Variants in PTK2B observed in about 807,000 individuals in gnomAD.
PTK2B encodes the protein protein-tyrosine kinase 2-beta.
Under a neutral mutation model 142.9 loss-of-function variants are expected in PTK2B, and 71 were observed. That is an observed-to-expected ratio of 0.50 (90% confidence interval 0.41 to 0.61). The LOEUF (loss-of-function observed/expected upper bound fraction) is 0.61. PTK2B is among the 20% of genes least tolerant of loss of function. The pLI, the probability that PTK2B is intolerant of heterozygous loss-of-function variation, is 0.00. For synonymous variants in PTK2B, 519 were observed against 503.4 expected (o/e 1.03, Z -0.42); for missense variants, 1,105 against 1,320.4 (o/e 0.84, Z 2.53).
intron 8 of PTK2B, 138 bp downstream of exon 8, chr8:27,431,154 G>T: frequency 6.8e-7 from 1 of 1,480,914 alleles, no homozygotes; most frequent in Admixed American, 2.1e-5. Flanking sequence ...ACCTGCCGTC[G>T]GTGGAAGTCA....
intron 1 of PTK2B, among the ~76,000 whole-genome samples, chr8:27,376,064 C>T (rs914259062): frequency 6.6e-5 from 10 of 152,180 alleles, no homozygotes; most frequent in Non-Finnish European, 7.3e-5. Flanking sequence ...TCAGAGTGGA[C>T]GAAGCATCAG....
At chr8:27,330,689 A>G (rs1253595457) in intron 1 of PTK2B, among the ~76,000 whole-genome samples, 1 of 152,188 alleles carries the variant, frequency 6.6e-6, no homozygotes, top group African/African-American at 2.4e-5. Flanking sequence ...AGGAATAATT[A>G]TTACTCATGG....
Position 27,431,022 on chromosome 8 carries a change from G to A in PTK2B, c.810+6G>A, listed in dbSNP as rs1223995678. ...CCTACCGCTGTGAACTCATTGTAAT[G>A]GCGGGCTCTCTTGATCCTCTCCCTG... On this transcript the variant is annotated splice_donor_region_variant and intron_variant, in intron 8 of 30. Transcript: ENST00000346049. 1.9e-6 allele frequency: 3 copies of A among 1,611,172 alleles called. No individual in the cohort carries two copies. Among genetic ancestry groups the A allele is most frequent in the Non-Finnish European group, 2.5e-6 (3 of 1,178,346 alleles).
intron 1 of PTK2B, among the ~76,000 whole-genome samples, chr8:27,350,338 A>G (rs1441847556): frequency 2.0e-5 from 3 of 151,216 alleles, no homozygotes; most frequent in Non-Finnish European, 2.9e-5. Flanking sequence ...GAGTCTGGCC[A>G]TGAGCCAGAG....
At chr8:27,397,815 A>G in intron 2 of PTK2B, 27 bp downstream of exon 2, 1 of 1,609,164 alleles carries the variant, frequency 6.2e-7, no homozygotes, top group East Asian at 2.2e-5. Flanking sequence ...TGCCCTGTCC[A>G]TCTGTCTGTC....
Position 27,438,986 on chromosome 8 carries a change from G to T in PTK2B, c.1644-45G>T, listed in dbSNP as rs545107136. 29 of 1,508,476 alleles carry T rather than the reference G, an allele frequency of 1.9e-5. 1 individual carries two copies. The Admixed American group carries it at 4.8e-4, about 25-fold the overall frequency. The allele number at this position is 1,508,476 out of a possible 1,614,324, so 93.4% of individuals were successfully genotyped here. ...TCCATCTCTCTGTTCCTGCTCCCAT[G>T]GGGGTGGGCAGTGCCTCATCCTGGT... is the stretch of plus-strand genomic sequence containing the variant. On this transcript the variant is annotated intron_variant, in intron 18 of 30. Coordinates refer to ENST00000346049, the MANE Select transcript of PTK2B (RefSeq NM_173176.3).
chr8:27,433,787 G>A (rs947749153), intron 11 of PTK2B, among the ~76,000 whole-genome samples: 16 of 152,202 alleles, frequency 1.1e-4, no homozygotes, highest in Admixed American at 2.0e-4. Flanking sequence ...GAGGAGAGGC[G>A]TTTTAGCCCC....
At chr8:27,436,446 C>T (rs899980207) in intron 15 of PTK2B, 98 bp downstream of exon 15, 54 of 1,182,974 alleles carry the variant, frequency 4.6e-5, no homozygotes, top group Non-Finnish European at 7.5e-6. Context: ...CAGCCTTCAT[C>T]CACTTGGGGC....
At chr8:27,444,405 G>C (rs1328923543) in intron 23 of PTK2B, 134 bp downstream of exon 23, 22 of 949,206 alleles carry the variant, frequency 2.3e-5, no homozygotes, top group Non-Finnish European at 2.6e-5. Context: ...CTCTTCTTTG[G>C]CACCCAGAAC....
chr8:27,388,899 C>T (rs1807538298), intron 1 of PTK2B, among the ~76,000 whole-genome samples: 1 of 152,166 alleles, frequency 6.6e-6, no homozygotes, highest in South Asian at 2.1e-4. Flanking sequence ...GGATGATGTT[C>T]AAAAATTTCT....
Position 27,401,523 on chromosome 8 carries a change from G to A in PTK2B, c.204+3735G>A, listed in dbSNP as rs951373956. 8.5e-5 allele frequency among the ~76,000 whole-genome samples: 13 copies of A among 152,140 alleles called. 1 individual carries two copies. Among genetic ancestry groups the A allele is most frequent in the African/African-American group, 2.4e-4 (10 of 41,434 alleles). ...ATTTAAGAGAGGTTTTGACCAAGAA[G>A]GAAAAGAAAGAAGGGAAAGCTAAAG... On this transcript the variant is annotated intron_variant, in intron 2 of 30. Coordinates refer to ENST00000346049, the MANE Select transcript of PTK2B (RefSeq NM_173176.3).
chr8:27,447,939 G>A (rs188443926), intron 24 of PTK2B, among the ~76,000 whole-genome samples: 141 of 152,356 alleles, frequency 9.3e-4, no homozygotes, highest in Middle Eastern at 6.8e-3. Context: ...GCTGTCCTCG[G>A]TGCTGAAGGG....
chr8:27,420,548 C>A, intron 3 of PTK2B, 109 bp from the exon 4 acceptor site: 1 of 1,029,290 alleles, frequency 9.7e-7, no homozygotes, highest in Non-Finnish European at 1.5e-6. Flanking sequence ...TCATGGGCAG[C>A]CCTTCCCTTT....
At position 27,439,103 on chromosome 8, in the gene PTK2B, G is replaced by A; in HGVS notation, c.1716G>A (p.Arg572=). 1 of 1,613,930 alleles carries A rather than the reference G, an allele frequency of 6.2e-7. No homozygotes were observed. Among genetic ancestry groups the A allele is most frequent in the African/African-American group, 1.3e-5 (1 of 75,006 alleles). The change falls in exon 19 of 31, where the codon CGG becomes CGA. Residue 572 remains arginine, a synonymous_variant. Transcript: ENST00000346049. ...CVKLGDFGLS[R]YIEDEDYYKA... ...AGCTGGGGGACTTTGGTCTTTCCCG[G>A]TACATTGAGGACGAGGACTATTACA...
Position 27,363,822 on chromosome 8 carries a change from C to T in PTK2B, c.-37-33726C>T, listed in dbSNP as rs1439145725. Among the ~76,000 whole-genome samples the T allele has an allele frequency of 1.3e-5, 2 of 152,132 alleles. No homozygotes were observed. The highest frequency in any genetic ancestry group is 4.8e-5 in the African/African-American group (2 of 41,422). Reference sequence around the variant, plus strand: ...GGGACATGTTCATGTGAATTCTCACCGGTGGCTTCACCCACCCCCAGTCCT... The same window carrying T: ...GGGACATGTTCATGTGAATTCTCACTGGTGGCTTCACCCACCCCCAGTCCT... On this transcript the variant is annotated intron_variant, in intron 1 of 30. Coordinates refer to ENST00000346049, the MANE Select transcript of PTK2B (RefSeq NM_173176.3). This position sits in a 1 kb window ranked among gnomAD's most constrained non-coding sequence, Gnocchi z 4.3.
rs143857999 is a variant in PTK2B at position 27,451,255 on chromosome 8, C to T, written c.2523+177C>T. ...TGCCAATCCCTACATGGCCCTTTTCCTGAACTCTCCTGTGATCGTGCCCTT... is the reference window on the plus strand; with the variant it reads ...TGCCAATCCCTACATGGCCCTTTTCTTGAACTCTCCTGTGATCGTGCCCTT... On this transcript the variant is annotated intron_variant, in intron 26 of 30. Coordinates refer to ENST00000346049, the MANE Select transcript of PTK2B (RefSeq NM_173176.3). Among the ~76,000 whole-genome samples the T allele has an allele frequency of 2.4e-3, 364 of 152,270 alleles. 1 individual carries two copies. The highest frequency in any genetic ancestry group is 8.3e-3 in the African/African-American group (346 of 41,566).
chr8:27,374,899 A>G (rs1404276287), intron 1 of PTK2B, among the ~76,000 whole-genome samples: 1 of 152,138 alleles, frequency 6.6e-6, no homozygotes, highest in Non-Finnish European at 1.5e-5. Flanking sequence ...GCACTATGTG[A>G]TGTCTGCAAT....
At chr8:27,426,739 G>A (rs1341897790) in intron 5 of PTK2B, among the ~76,000 whole-genome samples, 1 of 152,192 alleles carries the variant, frequency 6.6e-6, no homozygotes, top group Non-Finnish European at 1.5e-5. Context: ...AGTGGCCTAA[G>A]CAAGCTGGAT....
chr8:27,424,945 A>G (rs1809985984), intron 5 of PTK2B, among the ~76,000 whole-genome samples: 1 of 152,162 alleles, frequency 6.6e-6, no homozygotes, highest in Non-Finnish European at 1.5e-5. Context: ...GATTAGTGAA[A>G]TGAATCCTCC....
Sources: allele counts gnomAD v4.1 joint callset (sites outside exome capture counted in the v4.1 genomes callset), GRCh38; gene constraint gnomAD v4.1.1; non-coding constraint Gnocchi (gnomAD v3.1); transcripts MANE v1.5; gene names NCBI Gene and HGNC (gene_info 2026-07-23, HGNC 2026-07-21).